The following COL13A1 variants were observed in gnomAD, a reference collection of about 807,000 sequenced individuals.
COL13A1 encodes collagen alpha-1(XIII) chain.
Under a neutral mutation model 130.9 loss-of-function variants are expected in COL13A1, and 89 were observed. The observed-to-expected ratio is 0.68, with a 90% CI of 0.57 to 0.81. The LOEUF is 0.81. Ranked by LOEUF, COL13A1 falls within the 30% of genes least tolerant of loss-of-function variation. The probability of loss-of-function intolerance (pLI) is 0.00; values close to 1 mark genes in which losing one functional copy is unlikely to be tolerated. For missense variants in COL13A1, 879 were observed against 934.6 expected, an observed-to-expected ratio of 0.94 and a Z score of 0.78; for synonymous variants, 402 against 341.6, an observed-to-expected ratio of 1.18 and a Z score of -1.95.
chr10:69,802,719 T>G lies in COL13A1; in HGVS notation c.294+2T>G, dbSNP rs1447377467. On this transcript the variant is annotated splice_donor_variant, in intron 1 of 40. Transcript: ENST00000645393. LOFTEE classifies it high-confidence loss of function. ...CGAGTCAATCAACTGCTGGACGAGG[T>G]CTGTGCTCTTTGTTGCTGGCTTTTA... The G allele has an allele frequency of 1.8e-5, 29 of 1,610,400 alleles. No homozygotes were observed. The highest frequency in any genetic ancestry group is 2.4e-5 in the Non-Finnish European group (28 of 1,178,544).
At chr10:69,957,445 C>T (rs958809671) in intron 40 of COL13A1, among the ~76,000 whole-genome samples, 13 of 152,206 alleles carry the variant, frequency 8.5e-5, no homozygotes, top group African/African-American at 3.1e-4. Flanking sequence ...TCTGAACTCA[C>T]ATGCTACTGT....
chr10:69,938,177 T>C (rs1444088783), intron 34 of COL13A1, among the ~76,000 whole-genome samples: 2 of 152,168 alleles, frequency 1.3e-5, no homozygotes, highest in Non-Finnish European at 2.9e-5. Flanking sequence ...AAGTCAGACT[T>C]TGTGGTCCCA....
intron 7 of COL13A1, among the ~76,000 whole-genome samples, chr10:69,881,040 A>C (rs756284177): frequency 6.6e-6 from 1 of 152,174 alleles, no homozygotes; most frequent in Non-Finnish European, 1.5e-5. Context: ...CTGTGTGTTC[A>C]CTAGCACCCT....
At chr10:69,857,742 C>A (rs1856831469) in intron 2 of COL13A1, among the ~76,000 whole-genome samples, 1 of 152,146 alleles carries the variant, frequency 6.6e-6, no homozygotes, top group Admixed American at 6.5e-5. Flanking sequence ...GAGGTGCTGC[C>A]TCTCTCTGTC....
chr10:69,849,993 A>C (rs1854289404), intron 2 of COL13A1, among the ~76,000 whole-genome samples: 1 of 152,150 alleles, frequency 6.6e-6, no homozygotes, highest in Non-Finnish European at 1.5e-5. Context: ...AGCTGTTAGC[A>C]CATCAAAGCG....
rs372870787 is a variant in COL13A1, at chr10:69,872,166, C to A, written c.373-18C>A. 1.1e-5 allele frequency: 18 copies of A among 1,613,862 alleles called. No homozygotes were observed. The highest frequency in any genetic ancestry group is 1.4e-5 in the Non-Finnish European group (17 of 1,179,880). On this transcript the variant is annotated intron_variant, in intron 3 of 40. Coordinates refer to ENST00000645393, the MANE Select transcript of COL13A1 (RefSeq NM_001368882.1). The stretch of plus-strand genomic sequence containing the variant: ...ACGATACCTGCCTGACCTACGTAAA[C>A]GTCACTCTTCATTTCAGGGTCCCAC...
At chr10:69,855,035 C>T (rs910465504) in intron 2 of COL13A1, among the ~76,000 whole-genome samples, 7 of 152,180 alleles carry the variant, frequency 4.6e-5, no homozygotes, top group African/African-American at 1.7e-4. Flanking sequence ...CTAGCTCCAC[C>T]GTTTACTTGT....
At chr10:69,880,661 T>A (rs1408827166) in intron 7 of COL13A1, 108 bp downstream of exon 7, 1 of 1,176,160 alleles carries the variant, frequency 8.5e-7, no homozygotes, top group Non-Finnish European at 1.2e-6. Flanking sequence ...TGCCCCTGGG[T>A]GGGGAGGCCA....
chr10:69,902,693 GA>G, intron 14 of COL13A1, 54 bp from the exon 15 acceptor site: 2 of 1,443,162 alleles, frequency 1.4e-6, no homozygotes, highest in Non-Finnish European at 1.9e-6. Flanking sequence ...GAGGGTGGGG[GA>G]CGGTCTGCAG....
chr10:69,846,850 T>C (rs1589414101), intron 2 of COL13A1, among the ~76,000 whole-genome samples: 1 of 152,214 alleles, frequency 6.6e-6, no homozygotes, highest in Middle Eastern at 3.4e-3. Context: ...TGCAGACACG[T>C]GGGGCAGGAG....
chr10:69,943,737 C>T (rs1326861065), intron 35 of COL13A1, among the ~76,000 whole-genome samples: 1 of 152,144 alleles, frequency 6.6e-6, no homozygotes, highest in East Asian at 1.9e-4. Context: ...GCATGAAGAC[C>T]CTCCCGCTGC....
chr10:69,922,074 TTC>T lies in COL13A1; in HGVS notation c.1143+141_1143+142del. ...GAAAGGCAGCTGGAACACAGCCAGATTCTGTTTGTCGAGGGAGAGGTGCCATA... is the reference window on the plus strand; with the variant it reads ...GAAAGGCAGCTGGAACACAGCCAGATTGTTTGTCGAGGGAGAGGTGCCATA... On this transcript the variant is annotated intron_variant, in intron 22 of 40. Coordinates refer to ENST00000645393, the MANE Select transcript of COL13A1 (RefSeq NM_001368882.1). 2.6e-6 allele frequency: 3 copies of T among 1,167,372 alleles called. No homozygotes were observed. The South Asian group carries it at 4.9e-5, about 19-fold the overall frequency. 72.3% of individuals were successfully genotyped at this position (1,167,372 alleles called of 1,614,324 possible). A position where few individuals can be genotyped will look rare whatever the true frequency, so the allele number is the denominator to read the frequency against.
At chr10:69,923,358 C>G (rs1171309987) in intron 23 of COL13A1, among the ~76,000 whole-genome samples, 6 of 152,174 alleles carry the variant, frequency 3.9e-5, no homozygotes, top group African/African-American at 1.4e-4. Context: ...TTTGGGTTCC[C>G]CAAAGCAGAT....
intron 17 of COL13A1, among the ~76,000 whole-genome samples, chr10:69,912,410 A>G (rs1318296886): frequency 6.6e-6 from 1 of 152,156 alleles, no homozygotes; most frequent in Non-Finnish European, 1.5e-5. Context: ...GGAAGCAGGA[A>G]CTGAGCTGCC....
intron 2 of COL13A1, among the ~76,000 whole-genome samples, chr10:69,855,212 C>T (rs1432580228): frequency 6.6e-6 from 1 of 152,224 alleles, no homozygotes; most frequent in South Asian, 2.1e-4. Flanking sequence ...TCCTGGCCAC[C>T]TGTGACATTC....
At chr10:69,876,631 CCGT>C (rs1483884639) in intron 5 of COL13A1, among the ~76,000 whole-genome samples, 1 of 152,226 alleles carries the variant, frequency 6.6e-6, no homozygotes, top group African/African-American at 2.4e-5. Context: ...TCCTCCCAAG[CCGT>C]CACAGGCTCT....
intron 2 of COL13A1, among the ~76,000 whole-genome samples, chr10:69,847,134 C>T (rs1411517706): frequency 2.0e-5 from 3 of 152,180 alleles, no homozygotes; most frequent in Admixed American, 6.5e-5. Context: ...TACAGGGTGC[C>T]GGACCGCATG....
intron 36 of COL13A1, 23 bp downstream of exon 36, chr10:69,944,201 C>CA (rs1214491091): frequency 1.1e-5 from 17 of 1,610,796 alleles, no homozygotes; most frequent in Non-Finnish European, 1.3e-5. Flanking sequence ...GAGCCAGGGG[C>CA]CTGGGCGGCC....
rs759751897 is a variant in COL13A1, at chr10:69,802,513, G to A, written c.90G>A (p.Ala30=). 6.4e-7 allele frequency: 1 copy of A among 1,556,354 alleles called. No homozygotes were observed. Among genetic ancestry groups the A allele is most frequent in the African/African-American group, 1.4e-5 (1 of 70,906 alleles). The part of the protein sequence containing the change: ...LGAPGTVALV[A]ARAERGARLP... ...CGCCCGGGACGGTGGCTCTGGTGGC[G>A]GCGCGGGCGGAGCGCGGCGCACGGC... Residue 30 remains alanine (A), a synonymous_variant, in exon 1 of 41, where the codon GCG becomes GCA. Coordinates refer to ENST00000645393, the MANE Select transcript of COL13A1 (RefSeq NM_001368882.1).
Sources: gnomAD v4.1 joint callset for allele counts (sites outside exome capture counted in the v4.1 genomes callset) on GRCh38, gnomAD v4.1.1 for gene constraint, MANE v1.5 for transcripts, NCBI Gene and HGNC (gene_info 2026-07-23, HGNC 2026-07-21) for gene names.